The following THSD7B variants were observed in gnomAD, a reference collection of about 807,000 sequenced individuals.
The protein encoded by THSD7B is thrombospondin type 1 domain containing 7B.
In THSD7B, 138 loss-of-function variants were observed where a neutral mutation model predicts 213.6. The observed-to-expected ratio is 0.65, with a 90% CI of 0.56 to 0.74. THSD7B has a LOEUF of 0.74. Among genes scored for constraint, THSD7B ranks in the 30% least tolerant of loss-of-function variants. THSD7B has a pLI of 0.00. For missense variants in THSD7B, 1,931 were observed against 1,991.5 expected (o/e 0.97, Z 0.58); for synonymous variants, 742 against 687.0 (o/e 1.08, Z -1.25).
chr2:137,676,549 A>T lies in THSD7B; in HGVS notation c.4765A>T (p.Thr1589Ser), dbSNP rs184040880. 3.8e-6 allele frequency: 6 copies of T among 1,598,004 alleles called. No individual in the cohort carries two copies. The East Asian group carries it at 1.3e-4, about 36-fold the overall frequency. The change falls in exon 28 of 28, where the codon ACA becomes TCA. Residue 1589 changes from threonine to serine, a missense_variant. Physicochemically the swap from Thr to Ser is moderately conservative, Grantham distance 58. Transcript: ENST00000409968. ...VCKKPKPHQS[T>S]PPQQKPLTLA... ...CAAGAAGCCAAAACCACATCAAAGC[A>T]CACCTCCCCAACAGAAGCCTCTGAC...
chr2:136,879,275 T>C (rs1485583245), intron 1 of THSD7B, among the ~76,000 whole-genome samples: 3 of 152,220 alleles, frequency 2.0e-5, no homozygotes, highest in Non-Finnish European at 4.4e-5. Flanking sequence ...CATTGGTCTA[T>C]TTCTCTGTTT....
chr2:137,064,330 T>C (rs1159105001), intron 3 of THSD7B, among the ~76,000 whole-genome samples: 1 of 152,088 alleles, frequency 6.6e-6, no homozygotes, highest in Non-Finnish European at 1.5e-5. Context: ...TATTAAGACC[T>C]TTTGCTCATT....
intron 10 of THSD7B, among the ~76,000 whole-genome samples, chr2:137,257,353 C>T (rs1034913125): frequency 2.0e-5 from 3 of 152,166 alleles, no homozygotes; most frequent in East Asian, 1.9e-4. Flanking sequence ...CCCTGCTCAA[C>T]GGATTTAATA....
At chr2:137,238,027 AAG>A (rs1681807020) in intron 9 of THSD7B, among the ~76,000 whole-genome samples, 1 of 152,184 alleles carries the variant, frequency 6.6e-6, no homozygotes, top group African/African-American at 2.4e-5. Context: ...TTAAGAGAAA[AAG>A]AGAGAGAAAG....
chr2:137,570,398 T>C (rs1346034119), intron 16 of THSD7B, among the ~76,000 whole-genome samples: 1 of 152,062 alleles, frequency 6.6e-6, no homozygotes, highest in African/African-American at 2.4e-5. Context: ...AAACTCAGCC[T>C]CCCGGGTTCA....
chr2:137,196,219 A>G (rs1387346730), intron 7 of THSD7B, among the ~76,000 whole-genome samples: 2 of 152,180 alleles, frequency 1.3e-5, no homozygotes, highest in Non-Finnish European at 1.5e-5. Context: ...TGGAGAAAAC[A>G]TTTAAAAAGC....
intron 12 of THSD7B, among the ~76,000 whole-genome samples, chr2:137,276,342 G>T (rs1005244403): frequency 6.6e-6 from 1 of 152,016 alleles, no homozygotes; most frequent in Non-Finnish European, 1.5e-5. Context: ...TGAAGGTTTT[G>T]TCAAGATGAG....
chr2:137,299,801 A>G (rs1010542636), intron 12 of THSD7B, among the ~76,000 whole-genome samples: 6 of 152,148 alleles, frequency 3.9e-5, no homozygotes, highest in Non-Finnish European at 7.4e-5. Context: ...ATTTTTCTCT[A>G]TTAAGTATAG....
At chr2:137,430,496 C>T (rs191087346) in intron 14 of THSD7B, among the ~76,000 whole-genome samples, 2 of 152,298 alleles carry the variant, frequency 1.3e-5, no homozygotes, top group Non-Finnish European at 2.9e-5. Flanking sequence ...GTTTCTCTAG[C>T]ATACCCATCA....
chr2:137,038,829 T>C (rs1280757071), intron 2 of THSD7B, among the ~76,000 whole-genome samples: 1 of 152,188 alleles, frequency 6.6e-6, no homozygotes, highest in Admixed American at 6.5e-5. Flanking sequence ...TCCAGTTTGC[T>C]TTTCTGTAGG....
At chr2:137,482,761 C>G (rs1688336011) in intron 15 of THSD7B, among the ~76,000 whole-genome samples, 1 of 151,634 alleles carries the variant, frequency 6.6e-6, no homozygotes, top group South Asian at 2.1e-4. Context: ...GTGTACTCAT[C>G]AGAACCACCG....
In THSD7B at chr2:137,245,830, T is replaced by C. The variant is rs567955914; in HGVS notation, c.2266+3258T>C. Among the ~76,000 whole-genome samples the C allele has an allele frequency of 5.9e-5, 9 of 152,250 alleles. No individual in the cohort carries two copies. In the East Asian group the frequency reaches 1.7e-3, roughly 29 times the overall value. ...CTTGAGAGTGTCCTTCAACAGACTTTTTGGGAAATGGTGTCCTAAAACAGT... is the reference window on the plus strand; with the variant it reads ...CTTGAGAGTGTCCTTCAACAGACTTCTTGGGAAATGGTGTCCTAAAACAGT... On this transcript the variant is annotated intron_variant, in intron 10 of 27. Transcript: ENST00000409968.
intron 20 of THSD7B, among the ~76,000 whole-genome samples, chr2:137,637,085 T>A (rs1404519738): frequency 6.6e-6 from 1 of 152,206 alleles, no homozygotes; most frequent in Non-Finnish European, 1.5e-5. Context: ...CTCTCTCCCA[T>A]CAAAACTCAT....
chr2:137,062,184 T>C lies in THSD7B; in HGVS notation c.950+4954T>C, dbSNP rs147486627. On this transcript the variant is annotated intron_variant, in intron 3 of 27. Transcript: ENST00000409968. ...TTAATAGCTATGGGATTATTAATGA[T>C]TACCCTTCTTAAGTTTCCAGTATTA... Among the ~76,000 whole-genome samples, 250 of 151,832 alleles carry C rather than the reference T, an allele frequency of 1.6e-3. 1 individual carries two copies. Among genetic ancestry groups the C allele is most frequent in the African/African-American group, 5.9e-3 (243 of 41,528 alleles).
chr2:137,503,212 G>A (rs2105139788), intron 15 of THSD7B, among the ~76,000 whole-genome samples: 1 of 152,008 alleles, frequency 6.6e-6, no homozygotes, highest in Non-Finnish European at 1.5e-5. Flanking sequence ...TTTGTATATA[G>A]TAAAATCCTA....
intron 1 of THSD7B, among the ~76,000 whole-genome samples, chr2:136,848,025 A>G (rs977989285): frequency 6.6e-6 from 1 of 152,164 alleles, no homozygotes; most frequent in Non-Finnish European, 1.5e-5. Context: ...AAAGATCATC[A>G]TATGGAATCT....
chr2:137,442,635 C>T (rs779992090), intron 14 of THSD7B, among the ~76,000 whole-genome samples: 4 of 152,056 alleles, frequency 2.6e-5, no homozygotes, highest in Non-Finnish European at 5.9e-5. Flanking sequence ...GCTCTTAAAG[C>T]TTCCACCTAG....
chr2:137,123,874 A>G (rs1007644920), intron 5 of THSD7B, among the ~76,000 whole-genome samples: 2 of 151,860 alleles, frequency 1.3e-5, no homozygotes, highest in Admixed American at 6.6e-5. Context: ...TTCATCTTGC[A>G]TAAGCCTTGA....
intron 7 of THSD7B, among the ~76,000 whole-genome samples, chr2:137,229,289 G>A (rs1365972483): frequency 6.6e-6 from 1 of 152,078 alleles, no homozygotes. Flanking sequence ...ATTTTGATTA[G>A]ATGTAGGTTG....
Sources: gnomAD v4.1 joint callset for allele counts (sites outside exome capture counted in the v4.1 genomes callset) on GRCh38, gnomAD v4.1.1 for gene constraint, MANE v1.5 for transcripts, NCBI Gene and HGNC (gene_info 2026-07-23, HGNC 2026-07-21) for gene names.